CFAP70: variants seen among roughly 807,000 people sequenced by gnomAD.
CFAP70 encodes cilia- and flagella-associated protein 70.
A neutral mutation model predicts 137.6 loss-of-function variants in CFAP70; 81 were observed. The ratio of observed to expected loss-of-function variants is 0.59; its 90% CI spans 0.49 to 0.71. The LOEUF is 0.71. Ranked by LOEUF, CFAP70 falls within the 30% of genes least tolerant of loss-of-function variation. The pLI is 0.00. For synonymous variants in CFAP70, 382 were observed against 423.6 expected, an observed-to-expected ratio of 0.90 and a Z score of 1.20; for missense variants, 976 against 1,226.7, an observed-to-expected ratio of 0.80 and a Z score of 3.05.
At chr10:73,322,022 A>AG (rs1449527358) in intron 9 of CFAP70, among the ~76,000 whole-genome samples, 2 of 152,182 alleles carry the variant, frequency 1.3e-5, no homozygotes, top group African/African-American at 4.8e-5. Flanking sequence ...GGCCTCAGGC[A>AG]ATCTGCCTGC....
chr10:73,341,837 A>G (rs372618727), intron 5 of CFAP70, among the ~76,000 whole-genome samples: 1 of 152,250 alleles, frequency 6.6e-6, no homozygotes, highest in Non-Finnish European at 1.5e-5. Flanking sequence ...TCCAGTGGCA[A>G]TGTAACTGAT....
chr10:73,330,169 T>G (rs1178100471), intron 8 of CFAP70, among the ~76,000 whole-genome samples: 2 of 152,080 alleles, frequency 1.3e-5, no homozygotes, highest in Non-Finnish European at 2.9e-5. Flanking sequence ...GTCCTACACT[T>G]GGCTGGGTGC....
rs200528605 is a variant in CFAP70 at position 73,343,964 on chromosome 10, A to ATT, written c.399+1099_399+1100dup. ...TATTATTTTTCTCTACATATGAAGA[A>ATT]TTTTTTTTTTTTTTGAGATGGCGTT... is the stretch of plus-strand genomic sequence containing the variant. On this transcript the variant is annotated intron_variant, in intron 5 of 26. Transcript: ENST00000310715. Among the ~76,000 whole-genome samples, 324 of 146,612 alleles carry ATT rather than the reference A, an allele frequency of 2.2e-3. 2 individuals are homozygous for ATT. The highest frequency in any genetic ancestry group is 7.4e-3 in the African/African-American group (297 of 40,022).
Position 73,299,591 on chromosome 10 carries a change from G to T in CFAP70, c.1317+14C>A. The T allele has an allele frequency of 1.2e-6, 2 of 1,610,704 alleles. No individual in the cohort carries two copies. Among genetic ancestry groups the T allele is most frequent in the Non-Finnish European group, 1.7e-6 (2 of 1,177,312 alleles). On this transcript the variant is annotated intron_variant, in intron 13 of 26. Coordinates refer to ENST00000310715, the Ensembl canonical transcript of CFAP70. Reference sequence around the variant, plus strand: ...TCTTATTACTTATCATTTCAACTTGGCTTTGGCACTTGCCTTCTGAGCTCC... The same window carrying T: ...TCTTATTACTTATCATTTCAACTTGTCTTTGGCACTTGCCTTCTGAGCTCC...
intron 19 of CFAP70, among the ~76,000 whole-genome samples, chr10:73,286,220 G>A (rs569100522): frequency 3.3e-4 from 50 of 152,148 alleles, no homozygotes; most frequent in Non-Finnish European, 5.4e-4. Context: ...CGAGGCGGGC[G>A]GATCATGATG....
chr10:73,307,684 A>G (rs2049506970), intron 12 of CFAP70, among the ~76,000 whole-genome samples: 1 of 152,176 alleles, frequency 6.6e-6, no homozygotes, highest in African/African-American at 2.4e-5. Flanking sequence ...AACATATACA[A>G]CAGAACCCCA....
intron 25 of CFAP70, among the ~76,000 whole-genome samples, chr10:73,257,500 A>C (rs569892553): frequency 6.6e-6 from 1 of 152,342 alleles, no homozygotes; most frequent in African/African-American, 2.4e-5. Flanking sequence ...GGTAAAGCTT[A>C]AATATGTAAG....
chr10:73,334,190 T>C (rs541461443), intron 7 of CFAP70, among the ~76,000 whole-genome samples: 12 of 152,340 alleles, frequency 7.9e-5, no homozygotes, highest in Admixed American at 5.9e-4. Context: ...AGACTGATAG[T>C]TACCTACACA....
At chr10:73,271,283 G>C (rs1236153524) in intron 24 of CFAP70, among the ~76,000 whole-genome samples, 1 of 152,176 alleles carries the variant, frequency 6.6e-6, no homozygotes, top group East Asian at 1.9e-4. Flanking sequence ...AGGCCGAGGT[G>C]GGAGGATCAC....
chr10:73,254,085 A>G, intron 26 of CFAP70, 30 bp from the exon 28 acceptor site: 1 of 1,569,962 alleles, frequency 6.4e-7, no homozygotes, highest in African/African-American at 1.3e-5. Context: ...AGGGAAAGAT[A>G]TATGTCATAC....
At chr10:73,297,316 A>G (rs1028564025) in intron 14 of CFAP70, 143 bp from the exon 16 acceptor site, 5 of 742,954 alleles carry the variant, frequency 6.7e-6, no homozygotes, top group South Asian at 2.5e-5. Context: ...GTAGACTATC[A>G]GCTCTCCAAA....
chr10:73,347,681 T>C (rs1564883417), intron 4 of CFAP70, among the ~76,000 whole-genome samples: 1 of 152,168 alleles, frequency 6.6e-6, no homozygotes, highest in Non-Finnish European at 1.5e-5. Context: ...TGGGATAACA[T>C]TATAGAGGTA....
chr10:73,330,490 T>C (rs2051963538), intron 8 of CFAP70, among the ~76,000 whole-genome samples: 1 of 150,414 alleles, frequency 6.6e-6, no homozygotes, highest in South Asian at 2.1e-4. Context: ...TGAGATAATA[T>C]GTAGTTTTGA....
chr10:73,284,742 A>T (rs1246758041), intron 19 of CFAP70, among the ~76,000 whole-genome samples: 10 of 886 alleles, frequency 0.011, 1 homozygote, highest in Non-Finnish European at 0.012. Context: ...CCTGCCACAT[A>T]TATATATATA....
intron 8 of CFAP70, among the ~76,000 whole-genome samples, chr10:73,329,100 A>G (rs959795904): frequency 6.6e-6 from 1 of 152,144 alleles, no homozygotes; most frequent in Admixed American, 6.5e-5. Context: ...CAAATGTCCA[A>G]CAATGATAGA....
At chr10:73,346,603 A>G (rs970767134) in intron 4 of CFAP70, among the ~76,000 whole-genome samples, 1 of 152,040 alleles carries the variant, frequency 6.6e-6, no homozygotes, top group African/African-American at 2.4e-5. Flanking sequence ...AGATCACACA[A>G]TTGCAAACCA....
chr10:73,351,001 ATG>A (rs1204970181), intron 3 of CFAP70, among the ~76,000 whole-genome samples: 17 of 131,252 alleles, frequency 1.3e-4, no homozygotes, highest in East Asian at 2.2e-4. Context: ...ATGTGTGTAT[ATG>A]TGTGTATGTG....
At chr10:73,352,689 T>C (rs970149133) in intron 3 of CFAP70, among the ~76,000 whole-genome samples, 1 of 152,224 alleles carries the variant, frequency 6.6e-6, no homozygotes, top group Non-Finnish European at 1.5e-5. Flanking sequence ...GTGGGAGGAA[T>C]AGAGAAAAGT....
At chr10:73,287,417 T>C (rs992877866) in intron 19 of CFAP70, among the ~76,000 whole-genome samples, 9 of 152,254 alleles carry the variant, frequency 5.9e-5, no homozygotes, top group African/African-American at 2.2e-4. Flanking sequence ...TGAAACGTTA[T>C]GTGGTACATG....
Sources: allele counts gnomAD v4.1 joint callset (sites outside exome capture counted in the v4.1 genomes callset), GRCh38; gene constraint gnomAD v4.1.1; transcripts MANE v1.5; gene names NCBI Gene and HGNC (gene_info 2026-07-23, HGNC 2026-07-21).